PEX13: variants seen among roughly 807,000 people sequenced by gnomAD.
PEX13 encodes peroxisomal biogenesis factor 13.
Under a neutral mutation model 34.5 loss-of-function variants are expected in PEX13, and 28 were observed. The observed-to-expected ratio is 0.81, with a 90% CI of 0.60 to 1.11. The LOEUF (loss-of-function observed/expected upper bound fraction) is 1.11, where lower values mean the gene tolerates loss of function less well. PEX13 is among the 50% of genes most tolerant of loss of function. PEX13 has a pLI of 0.00. For synonymous variants in PEX13, 177 were observed against 175.1 expected (o/e 1.01, Z -0.09); for missense variants, 550 against 491.0 (o/e 1.12, Z -1.13).
intron 2 of PEX13, among the ~76,000 whole-genome samples, chr2:61,039,843 T>C (rs756756435): frequency 7.2e-5 from 11 of 152,198 alleles, no homozygotes; most frequent in Non-Finnish European, 1.2e-4. Flanking sequence ...AATCTACCCA[T>C]CTGACAAAGG....
chr2:61,035,894 A>C lies in PEX13; in HGVS notation c.787+3781A>C, dbSNP rs577025687. Among the ~76,000 whole-genome samples the C allele has an allele frequency of 4.1e-4, 63 of 152,062 alleles. No individual in the cohort carries two copies. In the Middle Eastern group the frequency reaches 0.027, roughly 66 times the overall value. On this transcript the variant is annotated intron_variant, in intron 2 of 3. Transcript: ENST00000295030. ...GCTACTAGGGAGGCTGAGGCAGGAG[A>C]ATTGCTTGAACCCAGGAGGCGGAGG...
intron 1 of PEX13, among the ~76,000 whole-genome samples, chr2:61,023,857 G>A (rs749276883): frequency 2.8e-4 from 43 of 151,406 alleles, no homozygotes; most frequent in Non-Finnish European, 5.7e-4. Context: ...GTGTGGTGAC[G>A]CAATCACACC....
chr2:61,048,810 G>C lies in PEX13; in HGVS notation c.*40G>C. 1 of 1,485,234 alleles carries C rather than the reference G, an allele frequency of 6.7e-7. No individual in the cohort carries two copies. Among genetic ancestry groups the C allele is most frequent in the Non-Finnish European group, 9.4e-7 (1 of 1,064,530 alleles). The allele number at this position is 1,485,234 out of a possible 1,614,324, so 92.0% of individuals were successfully genotyped here. A position where few individuals can be genotyped will look rare whatever the true frequency, so the allele number is the denominator to read the frequency against. On this transcript the variant is annotated 3_prime_UTR_variant, in exon 4 of 4. Transcript: ENST00000295030. The stretch of plus-strand genomic sequence containing the variant: ...GCCTGCAGTTGAACAATACTTTAGA[G>C]TACTTTTTAAAATTATTTCTCACAA...
rs953877928 is a variant in PEX13, at chr2:61,049,686, T to C, written c.*916T>C. 1 of 152,334 alleles carries C rather than the reference T, an allele frequency of 6.6e-6. No homozygotes were observed. Among genetic ancestry groups the C allele is most frequent in the African/African-American group, 2.4e-5 (1 of 41,564 alleles). The allele number at this position is 152,334 out of a possible 1,614,324, so 9.4% of individuals were successfully genotyped here. On this transcript the variant is annotated 3_prime_UTR_variant, in exon 4 of 4. Transcript: ENST00000295030. ...TACTCGGGAGGCTGAGGCAGGAGAA[T>C]TGCTTGAACCCCAGGAGGCGGAGGT... is the stretch of plus-strand genomic sequence containing the variant.
chr2:61,042,389 G>A (rs1198899069), intron 2 of PEX13, among the ~76,000 whole-genome samples: 1 of 151,932 alleles, frequency 6.6e-6, no homozygotes, highest in East Asian at 1.9e-4. Context: ...TACTACAGTG[G>A]GTTTTTTTTG....
chr2:61,018,420 C>A (rs574584725), intron 1 of PEX13: 311 of 1,116,320 alleles, frequency 2.8e-4, no homozygotes, highest in South Asian at 5.5e-4. Flanking sequence ...AGATCTGAGG[C>A]CTATGGATGG....
At chr2:61,029,839 A>AG (rs1367149753) in intron 1 of PEX13, among the ~76,000 whole-genome samples, 9 of 152,134 alleles carry the variant, frequency 5.9e-5, no homozygotes, top group Non-Finnish European at 2.9e-5. Flanking sequence ...TCAGAAAAAA[A>AG]AAAACTGCAT....
At chr2:61,040,876 G>GTA (rs888070492) in intron 2 of PEX13, among the ~76,000 whole-genome samples, 37 of 147,070 alleles carry the variant, frequency 2.5e-4, no homozygotes, top group South Asian at 1.3e-3. Context: ...TATAAAAAAG[G>GTA]TATATATATA....
In PEX13 at chr2:61,045,833, C is replaced by T. The variant is rs1261244358; in HGVS notation, c.895C>T (p.Leu299=). Residue 299 remains leucine (L), a synonymous_variant, in exon 3 of 4, where the codon CTG becomes TTG. Coordinates refer to ENST00000295030, the MANE Select transcript of PEX13 (RefSeq NM_002618.4). The part of the protein sequence containing the change: ...EEISFRAGDM[L]NLALKEQQPK... ...AATTTCTTTCCGGGCTGGTGATATG[C>T]TGAACTTAGCTCTCAAAGGTAATAA... The T allele has an allele frequency of 3.1e-6, 5 of 1,612,234 alleles. No individual in the cohort carries two copies. The highest frequency in any genetic ancestry group is 4.2e-6 in the Non-Finnish European group (5 of 1,178,478).
At chr2:61,043,400 A>G (rs925771618) in intron 2 of PEX13, among the ~76,000 whole-genome samples, 2 of 152,112 alleles carry the variant, frequency 1.3e-5, no homozygotes, top group African/African-American at 4.8e-5. Context: ...TATTTGAGAA[A>G]TCAATGGTGA....
chr2:61,045,740 G>A lies in PEX13; in HGVS notation c.802G>A (p.Ala268Thr), dbSNP rs762797895. The part of the protein sequence containing the change: ...SDEVTDSINW[A>T]SGEDDHVVAR... ...TTGGCTTATAGACAGCATCAACTGG[G>A]CAAGTGGTGAGGATGACCATGTAGT... Residue 268 changes from alanine to threonine, a missense_variant, in exon 3 of 4, where the codon GCA becomes ACA. Transcript: ENST00000295030. 1 of 1,613,406 alleles carries A rather than the reference G, an allele frequency of 6.2e-7. No individual in the cohort carries two copies. Among genetic ancestry groups the A allele is most frequent in the Non-Finnish European group, 8.5e-7 (1 of 1,179,408 alleles).
At chr2:61,032,170 G>GA in intron 2 of PEX13, 57 bp downstream of exon 2, 1 of 1,196,948 alleles carries the variant, frequency 8.4e-7, no homozygotes, top group Non-Finnish European at 1.2e-6. Context: ...CAAATTTCAA[G>GA]AATAGATTTG....
intron 2 of PEX13, among the ~76,000 whole-genome samples, chr2:61,042,776 A>G (rs1680645571): frequency 6.6e-6 from 1 of 152,240 alleles, no homozygotes; most frequent in Admixed American, 6.5e-5. Context: ...GCCAAAAAAA[A>G]TATGTCCAGA....
intron 1 of PEX13, among the ~76,000 whole-genome samples, chr2:61,028,064 T>A (rs1680390236): frequency 6.6e-6 from 1 of 152,222 alleles, no homozygotes; most frequent in Non-Finnish European, 1.5e-5. Context: ...AATGAACAGT[T>A]GCTGAGGAAT....
Position 61,031,602 on chromosome 2 carries a change from C to T in PEX13, c.276C>T (p.Gly92=), listed in dbSNP as rs770117657. Residue 92 remains glycine (G), a synonymous_variant, in exon 2 of 4, where the codon GGC becomes GGT. Transcript: ENST00000295030. ...YGAYGNSFYG[G]YSPYSYGYNG... is the part of the protein sequence containing the mutation. ...CCTATGGAAATTCATTTTATGGAGGCTATAGTCCTTATAGTTATGGATATA... is the reference window on the plus strand; with the variant it reads ...CCTATGGAAATTCATTTTATGGAGGTTATAGTCCTTATAGTTATGGATATA... 1.2e-6 allele frequency: 2 copies of T among 1,613,960 alleles called. No homozygotes were observed. The highest frequency in any genetic ancestry group is 1.3e-5 in the African/African-American group (1 of 74,880).
At chr2:61,042,127 A>C (rs991757949) in intron 2 of PEX13, among the ~76,000 whole-genome samples, 6 of 152,228 alleles carry the variant, frequency 3.9e-5, no homozygotes, top group African/African-American at 1.4e-4. Flanking sequence ...AGAATGTTTT[A>C]AAAATTGAAA....
chr2:61,028,925 G>A (rs1310317355), intron 1 of PEX13, among the ~76,000 whole-genome samples: 1 of 151,808 alleles, frequency 6.6e-6, no homozygotes, highest in Non-Finnish European at 1.5e-5. Flanking sequence ...GCTCATGCCT[G>A]TAATCCCAGC....
At position 61,031,645 on chromosome 2, in the gene PEX13, C is replaced by A; in HGVS notation, c.319C>A (p.Arg107Ser). 1 of 1,614,112 alleles carries A rather than the reference C, an allele frequency of 6.2e-7. No homozygotes were observed. The highest frequency in any genetic ancestry group is 8.5e-7 in the Non-Finnish European group (1 of 1,180,010). The change falls in exon 2 of 4, where the codon CGC becomes AGC. Residue 107 changes from arginine to serine, a missense_variant. By Grantham distance (110) the Arg-to-Ser change is moderately radical (BLOSUM62 -1). Transcript: ENST00000295030. ...SYGYNGLGYN[R>S]LRVDDLPPSR... ...TGGATATAATGGGCTGGGCTACAAC[C>A]GCCTCCGTGTAGATGATCTTCCACC... is the stretch of plus-strand genomic sequence containing the variant.
intron 2 of PEX13, among the ~76,000 whole-genome samples, chr2:61,039,192 G>C (rs1360030783): frequency 6.6e-6 from 1 of 152,156 alleles, no homozygotes; most frequent in Non-Finnish European, 1.5e-5. Context: ...TAGATGCAAT[G>C]CTATCCCCAT....
Sources: gnomAD v4.1 joint callset for allele counts (sites outside exome capture counted in the v4.1 genomes callset) on GRCh38, gnomAD v4.1.1 for gene constraint, MANE v1.5 for transcripts, NCBI Gene and HGNC (gene_info 2026-07-23, HGNC 2026-07-21) for gene names.